MCC: variants seen among roughly 807,000 people sequenced by gnomAD.
MCC encodes the protein MCC regulator of Wnt signaling pathway.
A neutral mutation model predicts 116.2 loss-of-function variants in MCC; 90 were observed. That is an observed-to-expected ratio of 0.77 (90% CI 0.65 to 0.92). The LOEUF (loss-of-function observed/expected upper bound fraction) is 0.92. MCC is among the 40% of genes least tolerant of loss of function. The pLI, the probability that MCC is intolerant of heterozygous loss-of-function variation, is 0.00. For synonymous variants in MCC, 578 were observed against 510.5 expected (o/e 1.13, Z -1.78); for missense variants, 1,516 against 1,312.2 (o/e 1.16, Z -2.40).
intron 17 of MCC, among the ~76,000 whole-genome samples, chr5:113,043,204 G>C (rs903079164): frequency 1.8e-4 from 27 of 152,224 alleles, no homozygotes; most frequent in African/African-American, 6.3e-4. Context: ...TGGAAACAAG[G>C]TAAGAGTGCC....
rs1449329278 is a variant in MCC at position 113,082,863 on chromosome 5, T to C, written c.1781A>G (p.Asn594Ser). 5 of 1,614,014 alleles carry C rather than the reference T, an allele frequency of 3.1e-6. No homozygotes were observed. The highest frequency in any genetic ancestry group is 1.1e-5 in the South Asian group (1 of 91,046). The change falls in exon 11 of 19, where the codon AAT becomes AGT. Residue 594 changes from asparagine (N) to serine (S), a missense_variant. Coordinates refer to ENST00000408903, the MANE Select transcript of MCC (RefSeq NM_001085377.2). Reference protein sequence around the residue: ...REFEVETERLNSRIEHLKSQN... With the variant: ...REFEVETERLSSRIEHLKSQN... ...AATCGATACGATCTCTCCTCACCTA[T>C]TCAGCCGTTCTGTTTCCACCTCAAA... is the stretch of plus-strand genomic sequence containing the variant.
chr5:113,112,466 C>T (rs1055947857), intron 6 of MCC, among the ~76,000 whole-genome samples: 5 of 152,164 alleles, frequency 3.3e-5, no homozygotes, highest in African/African-American at 7.2e-5. Context: ...TGCTTGCTTC[C>T]CCTTCACCTT....
chr5:113,311,123 TG>T (rs1281156450), intron 3 of MCC, among the ~76,000 whole-genome samples: 1 of 152,174 alleles, frequency 6.6e-6, no homozygotes, highest in East Asian at 1.9e-4. Flanking sequence ...GAGCAAGACC[TG>T]TCTCTTAAAA....
At chr5:113,107,107 C>T (rs1447341383) in intron 6 of MCC, among the ~76,000 whole-genome samples, 5 of 151,982 alleles carry the variant, frequency 3.3e-5, no homozygotes, top group Admixed American at 6.6e-5. Flanking sequence ...ATAGGGTAGG[C>T]GGTCAAATAT....
At position 113,225,817 on chromosome 5, in the gene MCC, A is replaced by T. The variant is rs1385940875; in HGVS notation, c.628-74395T>A. ...TTAGGTGATTACATCTGATGTCTTG[A>T]CTTTAGCGATGAAAAAACCAAGGTT... is the stretch of plus-strand genomic sequence containing the variant. On this transcript the variant is annotated intron_variant, in intron 3 of 18. Transcript: ENST00000408903. Among the ~76,000 whole-genome samples the T allele has an allele frequency of 2.0e-5, 3 of 152,036 alleles. No individual in the cohort carries two copies. In the East Asian group the frequency reaches 5.8e-4, roughly 29 times the overall value.
intron 17 of MCC, among the ~76,000 whole-genome samples, chr5:113,039,832 C>T (rs945089061): frequency 1.3e-5 from 2 of 149,684 alleles, no homozygotes; most frequent in African/African-American, 4.9e-5. Context: ...GTCCCGAGGG[C>T]GGGCTGCACA....
At chr5:113,139,309 G>A (rs765002766) in intron 5 of MCC, among the ~76,000 whole-genome samples, 20 of 152,088 alleles carry the variant, frequency 1.3e-4, no homozygotes, top group Non-Finnish European at 2.6e-4. Flanking sequence ...CCTTTGTTGA[G>A]CCTAGTTTTC....
intron 3 of MCC, among the ~76,000 whole-genome samples, chr5:113,337,317 G>C (rs1468726569): frequency 6.6e-6 from 1 of 152,164 alleles, no homozygotes; most frequent in South Asian, 2.1e-4. Flanking sequence ...GATGAGTCTT[G>C]CAGATGCCCC....
intron 3 of MCC, among the ~76,000 whole-genome samples, chr5:113,183,160 C>T (rs1029418472): frequency 1.3e-5 from 2 of 152,104 alleles, no homozygotes; most frequent in Admixed American, 1.3e-4. Flanking sequence ...TCTCAGCGGC[C>T]CCATCTGCTC....
intron 3 of MCC, among the ~76,000 whole-genome samples, chr5:113,221,567 C>A (rs945585277): frequency 5.9e-5 from 9 of 152,222 alleles, no homozygotes; most frequent in African/African-American, 2.2e-4. Context: ...TTAAACCTCT[C>A]CAAATTGCTT....
chr5:113,086,647 C>G (rs1755216478), intron 8 of MCC, among the ~76,000 whole-genome samples: 1 of 152,150 alleles, frequency 6.6e-6, no homozygotes, highest in Non-Finnish European at 1.5e-5. Context: ...TTCCAAGTAG[C>G]TGAAGAGAGT....
chr5:113,339,183 G>C (rs1006309887), intron 3 of MCC, among the ~76,000 whole-genome samples: 6 of 150,476 alleles, frequency 4.0e-5, no homozygotes, highest in African/African-American at 1.5e-4. Flanking sequence ...CCAAGACTGC[G>C]CAATTGCACT....
intron 8 of MCC, among the ~76,000 whole-genome samples, chr5:113,098,858 G>A (rs562252083): frequency 1.3e-5 from 2 of 152,250 alleles, no homozygotes; most frequent in South Asian, 2.1e-4. Flanking sequence ...GATGAACTAT[G>A]GATTCAGAGC....
intron 3 of MCC, among the ~76,000 whole-genome samples, chr5:113,315,593 C>T (rs534222644): frequency 9.3e-5 from 14 of 150,728 alleles, no homozygotes; most frequent in African/African-American, 2.2e-4. Flanking sequence ...GCAGGCCAGA[C>T]GCAGTGGCTC....
At chr5:113,433,351 G>T in intron 1 of MCC, 1 of 379,802 alleles carries the variant, frequency 2.6e-6, no homozygotes, top group Non-Finnish European at 5.2e-6. Context: ...CAACTGCCCC[G>T]GGGACGATGA....
intron 3 of MCC, among the ~76,000 whole-genome samples, chr5:113,271,625 G>GAAT (rs1765621765): frequency 6.6e-6 from 1 of 152,184 alleles, no homozygotes; most frequent in African/African-American, 2.4e-5. Context: ...TCCCCACATT[G>GAAT]GGAATGTGTC....
chr5:113,485,820 G>C (rs1445694384), intron 1 of MCC, among the ~76,000 whole-genome samples: 2 of 152,240 alleles, frequency 1.3e-5, no homozygotes, highest in Non-Finnish European at 2.9e-5. Context: ...AATTCTAACA[G>C]ATACAGCTGT....
intron 13 of MCC, among the ~76,000 whole-genome samples, chr5:113,067,371 G>A (rs1753693212): frequency 1.3e-5 from 2 of 152,174 alleles, no homozygotes; most frequent in South Asian, 4.1e-4. Flanking sequence ...TCAAAAGCCG[G>A]GCGCAGTGGC....
intron 3 of MCC, among the ~76,000 whole-genome samples, chr5:113,178,948 A>C (rs1312185085): frequency 6.6e-6 from 1 of 152,214 alleles, no homozygotes; most frequent in Non-Finnish European, 1.5e-5. Flanking sequence ...ATACTCTAAG[A>C]AGCCAGGTAA....
Sources: allele counts gnomAD v4.1 joint callset (sites outside exome capture counted in the v4.1 genomes callset), GRCh38; gene constraint gnomAD v4.1.1; transcripts MANE v1.5; gene names NCBI Gene and HGNC (gene_info 2026-07-23, HGNC 2026-07-21).